CALB2: variants seen among roughly 807,000 people sequenced by gnomAD.
CALB2 encodes the protein calretinin.
A neutral mutation model predicts 45.9 loss-of-function variants in CALB2; 34 were observed. The observed-to-expected ratio is 0.74, with a 90% CI of 0.56 to 0.99. CALB2 has a LOEUF of 0.99. CALB2 is among the 50% of genes least tolerant of loss of function. The pLI, the probability that CALB2 is intolerant of heterozygous loss-of-function variation, is 0.00. For missense variants in CALB2, 344 were observed against 339.3 expected (o/e 1.01, Z -0.11); for synonymous variants, 142 against 129.6 (o/e 1.10, Z -0.65).
At chr16:71,386,716 A>G (rs2042575181) in intron 10 of CALB2, among the ~76,000 whole-genome samples, 1 of 152,200 alleles carries the variant, frequency 6.6e-6, no homozygotes, top group South Asian at 2.1e-4. Context: ...AAGCTCTACA[A>G]TTCCTTGAGT....
intron 2 of CALB2, 54 bp from the exon 3 acceptor site, chr16:71,374,691 C>T: frequency 8.1e-7 from 1 of 1,227,300 alleles, no homozygotes; most frequent in Non-Finnish European, 1.2e-6. Context: ...GCTCTGAGAT[C>T]ATGGTTCACA....
At position 71,385,649 on chromosome 16, in the gene CALB2, G is replaced by T; in HGVS notation, c.699+1G>T. 6.2e-7 allele frequency: 1 copy of T among 1,613,608 alleles called. No homozygotes were observed. The highest frequency in any genetic ancestry group is 8.5e-7 in the Non-Finnish European group (1 of 1,179,860). On this transcript the variant is annotated splice_donor_variant, in intron 10 of 10. Coordinates refer to ENST00000302628, the MANE Select transcript of CALB2 (RefSeq NM_001740.5). LOFTEE classifies it high-confidence loss of function. ...GGATCTGTACGAGAAAAACAAAAAG[G>T]TGAGCAGCCAAGCCTGAGGCCCGGC...
chr16:71,384,734 A>C (rs766815040), intron 8 of CALB2, 49 bp from the exon 9 acceptor site: 1 of 1,073,930 alleles, frequency 9.3e-7, no homozygotes, highest in Non-Finnish European at 1.2e-6. Context: ...ACACCCACAC[A>C]CACACCACTG....
At position 71,389,924 on chromosome 16, in the gene CALB2, C is replaced by T. The variant is rs767216075; in HGVS notation, c.*59C>T. The T allele has an allele frequency of 2.4e-5, 29 of 1,207,970 alleles. No homozygotes were observed. In the East Asian group the frequency reaches 2.8e-4, roughly 12 times the overall value. 74.8% of individuals were successfully genotyped at this position (1,207,970 alleles called of 1,614,324 possible). On this transcript the variant is annotated 3_prime_UTR_variant, in exon 11 of 11. Transcript: ENST00000302628. ...AAACCCTGCTTCTGCTGCCCTGATG[C>T]GTCTACCCAGACTCAGAGACCGTGA...
chr16:71,387,818 A>T (rs572185142), intron 10 of CALB2, among the ~76,000 whole-genome samples: 2 of 152,288 alleles, frequency 1.3e-5, no homozygotes, highest in South Asian at 4.1e-4. Flanking sequence ...GTTATGTGAC[A>T]TTTCCAAGAA....
At chr16:71,362,646 A>G (rs1312071048) in intron 1 of CALB2, among the ~76,000 whole-genome samples, 3 of 152,230 alleles carry the variant, frequency 2.0e-5, no homozygotes, top group Non-Finnish European at 2.9e-5. Flanking sequence ...TCCAAGATGT[A>G]TTATTAAGAT....
At chr16:71,388,334 C>CAAAAAAAAAAAAAAAAAAA (rs71153632) in intron 10 of CALB2, among the ~76,000 whole-genome samples, 2 of 103,420 alleles carry the variant, frequency 1.9e-5, no homozygotes, top group African/African-American at 4.5e-5. Flanking sequence ...GACCTTATCT[C>CAAAAAAAAAAAAAAAAAAA]AAAAAAAAAA....
rs1397777706 is a variant in CALB2, at chr16:71,390,199, C to G, written c.*334C>G. 3.8e-5 allele frequency: 8 copies of G among 212,854 alleles called. No homozygotes were observed. The East Asian group carries it at 8.0e-4, about 21-fold the overall frequency. 13.2% of individuals were successfully genotyped at this position (212,854 alleles called of 1,614,324 possible). ...GCTTCTATGTCCAACAGAGTGGACT[C>G]TTCCCTCTCGCTCCCCTCTGCCGGT... On this transcript the variant is annotated 3_prime_UTR_variant, in exon 11 of 11. Coordinates refer to ENST00000302628, the MANE Select transcript of CALB2 (RefSeq NM_001740.5).
chr16:71,389,818 T>C lies in CALB2; in HGVS notation c.769T>C (p.Tyr257His). ...VMSLAEAGKL[Y>H]RKDLEIVLCS... ...GTCCTTGGCAGAGGCAGGGAAGCTCTACCGCAAGGACCTGGAGATTGTGCT... is the reference window on the plus strand; with the variant it reads ...GTCCTTGGCAGAGGCAGGGAAGCTCCACCGCAAGGACCTGGAGATTGTGCT... The change falls in exon 11 of 11, where the codon TAC becomes CAC. Residue 257 changes from tyrosine (Y) to histidine (H), a missense_variant. Around this residue, in one of 3 missense-constraint regions of CALB2, gnomAD observed 263 missense variants for 241.7 expected, o/e 1.09. Coordinates refer to ENST00000302628, the MANE Select transcript of CALB2 (RefSeq NM_001740.5). 1 of 1,614,052 alleles carries C rather than the reference T, an allele frequency of 6.2e-7. No homozygotes were observed. The highest frequency in any genetic ancestry group is 1.3e-5 in the African/African-American group (1 of 75,050).
chr16:71,360,841 C>A (rs2054136745), intron 1 of CALB2, among the ~76,000 whole-genome samples: 1 of 152,170 alleles, frequency 6.6e-6, no homozygotes, highest in South Asian at 2.1e-4. Flanking sequence ...GGTCATGGAG[C>A]AAGTTACTGG....
chr16:71,377,580 C>A, intron 3 of CALB2, 87 bp from the exon 4 acceptor site: 1 of 863,050 alleles, frequency 1.2e-6, no homozygotes, highest in Non-Finnish European at 1.9e-6. Context: ...TCGCCACTGG[C>A]CCTTTCCATC....
intron 1 of CALB2, among the ~76,000 whole-genome samples, chr16:71,364,041 TCCCTCCCCC>T (rs1287442523): frequency 6.6e-6 from 1 of 151,826 alleles, no homozygotes; most frequent in African/African-American, 2.4e-5. Flanking sequence ...CTGCCTCTGC[TCCCTCCCCC>T]AACTCCCCAG....
intron 1 of CALB2, among the ~76,000 whole-genome samples, chr16:71,368,768 G>A (rs914585557): frequency 3.3e-5 from 5 of 152,176 alleles, no homozygotes; most frequent in Admixed American, 2.0e-4. Context: ...CCATAGTGAG[G>A]GCTCAAATTA....
intron 10 of CALB2, 57 bp from the exon 11 acceptor site, chr16:71,389,692 T>C (rs904090269): frequency 8.2e-7 from 1 of 1,216,758 alleles, no homozygotes; most frequent in East Asian, 2.3e-5. Context: ...GGACGTGGGC[T>C]CCTTGCGTCG....
chr16:71,369,422 G>A lies in CALB2; in HGVS notation c.95-2731G>A, dbSNP rs117214204. ...CCCCAAATGGTAGGTGAAGGGGCCA[G>A]AGAAGAAATGGCAGAACATGAAGGA... On this transcript the variant is annotated intron_variant, in intron 1 of 10. Transcript: ENST00000302628. Among the ~76,000 whole-genome samples, 121 of 152,302 alleles carry A rather than the reference G, an allele frequency of 7.9e-4. 2 individuals are homozygous for A. The East Asian group carries it at 0.017, about 21-fold the overall frequency.
In CALB2 at chr16:71,372,749, C is replaced by T. The variant is rs2144969840; in HGVS notation, c.171+520C>T. ...ATGAGATGCCACTATCATCCTCCTTCAAGCTGTGACCATCAAAAATGTCTC... is the reference window on the plus strand; with the variant it reads ...ATGAGATGCCACTATCATCCTCCTTTAAGCTGTGACCATCAAAAATGTCTC... On this transcript the variant is annotated intron_variant, in intron 2 of 10. Transcript: ENST00000302628. Among the ~76,000 whole-genome samples, 3 of 152,330 alleles carry T rather than the reference C, an allele frequency of 2.0e-5. No individual in the cohort carries two copies. The East Asian group carries it at 5.8e-4, about 29-fold the overall frequency.
Position 71,389,967 on chromosome 16 carries a change from CT to C in CALB2, c.*103del. ...GACCGTGAGCGCCCCGCCCCCACCC[CT>C]ACAGCCTGCACACACCTGCCTGCAG... On this transcript the variant is annotated 3_prime_UTR_variant, in exon 11 of 11. Coordinates refer to ENST00000302628, the MANE Select transcript of CALB2 (RefSeq NM_001740.5). 1.3e-6 allele frequency: 1 copy of C among 743,850 alleles called. No homozygotes were observed. The highest frequency in any genetic ancestry group is 1.9e-5 in the Admixed American group (1 of 52,492). 46.1% of individuals were successfully genotyped at this position (743,850 alleles called of 1,614,324 possible).
chr16:71,372,689 G>A (rs896367010), intron 2 of CALB2, among the ~76,000 whole-genome samples: 16 of 151,886 alleles, frequency 1.1e-4, no homozygotes, highest in Non-Finnish European at 1.5e-4. Context: ...TGCCCTGTGC[G>A]CTGTAGGAGA....
intron 4 of CALB2, among the ~76,000 whole-genome samples, chr16:71,378,735 A>T (rs746149462): frequency 2.4e-4 from 36 of 152,186 alleles, no homozygotes; most frequent in Non-Finnish European, 7.4e-5. Flanking sequence ...TGTTGTGGTC[A>T]TTTGCATATC....
Sources: allele counts gnomAD v4.1 joint callset (sites outside exome capture counted in the v4.1 genomes callset), GRCh38; gene constraint gnomAD v4.1.1; regional missense constraint gnomAD v4.1.1; transcripts MANE v1.5; gene names NCBI Gene and HGNC (gene_info 2026-07-23, HGNC 2026-07-21).